Variants in MARCHF10 observed in about 807,000 individuals in gnomAD.
MARCHF10 encodes membrane associated ring-CH-type finger 10, also known as probable E3 ubiquitin-protein ligase MARCHF10.
A neutral mutation model predicts 76.2 loss-of-function variants in MARCHF10; 64 were observed. The ratio of observed to expected loss-of-function variants is 0.84; its 90% confidence interval spans 0.69 to 1.03. The LOEUF (loss-of-function observed/expected upper bound fraction) is 1.03, where lower values mean the gene tolerates loss of function less well. MARCHF10 is among the 50% of genes least tolerant of loss of function. The probability of loss-of-function intolerance (pLI) is 0.00; values close to 1 mark genes in which losing one functional copy is unlikely to be tolerated. For synonymous variants in MARCHF10, 340 were observed against 357.5 expected, an observed-to-expected ratio of 0.95 and a Z score of 0.55; for missense variants, 875 against 958.0, an observed-to-expected ratio of 0.91 and a Z score of 1.14.
At chr17:62,780,964 C>G (rs1451850478) in intron 3 of MARCHF10, 1 of 152,214 alleles carries the variant, frequency 6.6e-6, no homozygotes, top group Non-Finnish European at 1.5e-5. Context: ...TCAATCACAG[C>G]AAGCTCCTCT....
intron 9 of MARCHF10, among the ~76,000 whole-genome samples, chr17:62,710,320 T>C (rs2089848644): frequency 6.6e-6 from 1 of 152,202 alleles, no homozygotes; most frequent in Admixed American, 6.5e-5. Context: ...CTGCTTCTGG[T>C]ACTTTTCTTT....
At chr17:62,779,838 C>G (rs1283204501) in intron 3 of MARCHF10, among the ~76,000 whole-genome samples, 1 of 152,152 alleles carries the variant, frequency 6.6e-6, no homozygotes, top group Non-Finnish European at 1.5e-5. Context: ...GGCTCACACC[C>G]GTAATCCCAG....
intron 1 of MARCHF10, among the ~76,000 whole-genome samples, chr17:62,802,295 C>A (rs929824512): frequency 3.3e-5 from 5 of 152,128 alleles, no homozygotes; most frequent in Non-Finnish European, 7.3e-5. Context: ...TCTCAGCTCA[C>A]TGCAACCTCC....
At chr17:62,767,086 T>C (rs2092350103) in intron 3 of MARCHF10, among the ~76,000 whole-genome samples, 1 of 152,120 alleles carries the variant, frequency 6.6e-6, no homozygotes. Context: ...GCCAGGCAGG[T>C]GGCTTGAGCA....
intron 6 of MARCHF10, among the ~76,000 whole-genome samples, chr17:62,734,369 G>A (rs1289797023): frequency 6.6e-6 from 1 of 152,118 alleles, no homozygotes. Flanking sequence ...GCTCCAGTGT[G>A]TAAGGAATGT....
At chr17:62,767,508 T>C (rs1204145001) in intron 3 of MARCHF10, among the ~76,000 whole-genome samples, 1 of 148,200 alleles carries the variant, frequency 6.7e-6, no homozygotes, top group African/African-American at 2.5e-5. Context: ...CGGAGTGCAG[T>C]GGCATGATCT....
At chr17:62,710,545 C>G (rs2089864508) in intron 9 of MARCHF10, among the ~76,000 whole-genome samples, 1 of 141,330 alleles carries the variant, frequency 7.1e-6, no homozygotes, top group African/African-American at 2.7e-5. Flanking sequence ...ACAGTTTGAA[C>G]CCAGCTTTTT....
chr17:62,754,525 T>C (rs1335483412), intron 4 of MARCHF10, among the ~76,000 whole-genome samples: 5 of 152,136 alleles, frequency 3.3e-5, no homozygotes, highest in Non-Finnish European at 2.9e-5. Context: ...AAGCCTGGTC[T>C]ACATCCAGGG....
chr17:62,797,020 A>C (rs2092996988), intron 2 of MARCHF10, among the ~76,000 whole-genome samples: 1 of 152,126 alleles, frequency 6.6e-6, no homozygotes, highest in African/African-American at 2.4e-5. Context: ...TGTCTCAAAA[A>C]AAAGAGGGAG....
chr17:62,704,411 G>C (rs563346497), intron 10 of MARCHF10, among the ~76,000 whole-genome samples: 1 of 152,222 alleles, frequency 6.6e-6, no homozygotes, highest in South Asian at 2.1e-4. Flanking sequence ...CCGGGCTGGG[G>C]CTCCCGGGCT....
chr17:62,754,166 G>A (rs1287786659), intron 4 of MARCHF10, among the ~76,000 whole-genome samples: 1 of 152,092 alleles, frequency 6.6e-6, no homozygotes, highest in Non-Finnish European at 1.5e-5. Context: ...TCCTCCTCCC[G>A]GGTTCAAGCG....
intron 6 of MARCHF10, among the ~76,000 whole-genome samples, chr17:62,726,453 C>G (rs944299425): frequency 4.6e-5 from 7 of 152,208 alleles, no homozygotes; most frequent in Admixed American, 6.5e-5. Flanking sequence ...TTCTCAATAA[C>G]TTAAAGACAT....
At chr17:62,784,530 C>G (rs570987565) in intron 3 of MARCHF10, among the ~76,000 whole-genome samples, 2 of 152,268 alleles carry the variant, frequency 1.3e-5, no homozygotes, top group East Asian at 3.9e-4. Context: ...CCAGGGCAAT[C>G]AGGCAAGAGA....
At position 62,735,928 on chromosome 17, in the gene MARCHF10, C is replaced by T. The variant is rs1387408822; in HGVS notation, c.1937+3G>A. 1.3e-6 allele frequency: 2 copies of T among 1,593,226 alleles called. No homozygotes were observed. Among genetic ancestry groups the T allele is most frequent in the Non-Finnish European group, 1.7e-6 (2 of 1,175,540 alleles). On this transcript the variant is annotated splice_donor_region_variant and intron_variant, in intron 6 of 10. Transcript: ENST00000311269. ...AAAATATATAATTATGAAAAGTCCT[C>T]ACCTTTCTTGCAATTTCTTGAGTTT...
At chr17:62,767,710 C>G (rs35601143) in intron 3 of MARCHF10, among the ~76,000 whole-genome samples, 75,380 of 151,914 alleles carry the variant, frequency 0.5, 20,262 homozygotes, top group East Asian at 0.7. Flanking sequence ...CTCAGCCTCC[C>G]AAAGTGCTGG....
At chr17:62,792,175 T>G (rs949648564) in intron 2 of MARCHF10, among the ~76,000 whole-genome samples, 42 of 151,970 alleles carry the variant, frequency 2.8e-4, no homozygotes, top group African/African-American at 9.4e-4. Context: ...GTAGTCGGGC[T>G]GCCTTTTGTA....
intron 8 of MARCHF10, among the ~76,000 whole-genome samples, chr17:62,714,060 G>T (rs2090069291): frequency 6.6e-6 from 1 of 152,220 alleles, no homozygotes; most frequent in African/African-American, 2.4e-5. Context: ...TAGGTATAAG[G>T]GTGATTAGGT....
At chr17:62,799,332 C>T (rs2093036129) in intron 2 of MARCHF10, among the ~76,000 whole-genome samples, 3 of 152,260 alleles carry the variant, frequency 2.0e-5, no homozygotes, top group Non-Finnish European at 2.9e-5. Flanking sequence ...CAAGTTTTCC[C>T]GCTTCTTCTC....
chr17:62,794,544 TTCAGGGTCACAATGA>T (rs1231847548), intron 2 of MARCHF10, among the ~76,000 whole-genome samples: 1 of 152,210 alleles, frequency 6.6e-6, no homozygotes, highest in African/African-American at 2.4e-5. Flanking sequence ...CTCTCAGTCA[TTCAGGGTCACAATGA>T]AGCCGCTTCT....
Sources: allele counts gnomAD v4.1 joint callset (sites outside exome capture counted in the v4.1 genomes callset), GRCh38; gene constraint gnomAD v4.1.1; transcripts MANE v1.5; gene names NCBI Gene and HGNC (gene_info 2026-07-23, HGNC 2026-07-21).